The following TCF20 variants were observed in gnomAD, a reference collection of about 807,000 sequenced individuals.
The protein encoded by TCF20 is SPRE-binding protein.
Under a neutral mutation model 148.6 loss-of-function variants are expected in TCF20, and 3 were observed. That is an observed-to-expected ratio of 0.02 (90% CI 0.01 to 0.05). The LOEUF is 0.05. Among genes scored for constraint, TCF20 ranks in the 10% least tolerant of loss-of-function variants. The probability of loss-of-function intolerance (pLI) is 1.00; values close to 1 mark genes in which losing one functional copy is unlikely to be tolerated. For synonymous variants in TCF20, 1,049 were observed against 909.5 expected, an observed-to-expected ratio of 1.15 and a Z score of -2.76; for missense variants, 2,350 against 2,429.3, an observed-to-expected ratio of 0.97 and a Z score of 0.69.
chr22:42,312,953 C>T (rs1927562706), intron 1 of TCF20, among the ~76,000 whole-genome samples: 1 of 152,180 alleles, frequency 6.6e-6, no homozygotes, highest in African/African-American at 2.4e-5. Flanking sequence ...GAGCCAGCTC[C>T]AGTACTGGGG....
In TCF20 at chr22:42,213,760, C is replaced by T. The variant is rs770125297; in HGVS notation, c.1546G>A (p.Ala516Thr). The T allele has an allele frequency of 6.2e-7, 1 of 1,614,010 alleles. No individual in the cohort carries two copies. The change falls in exon 2 of 6, where the codon GCA (alanine) becomes ACA (threonine). Residue 516 changes from alanine to threonine, a missense_variant. Physicochemically the swap from Ala to Thr is moderately conservative, Grantham distance 58. This residue lies in a region of TCF20 where 1,641 missense variants were observed against 1,662.6 expected (regional missense o/e 0.99). Transcript: ENST00000677622. ...GAGCAGCCTCCATCTAATGACTCTG[C>T]CATAGGGGACTTCAGCTGTTCTTCA... is the stretch of plus-strand genomic sequence containing the variant. ...QPEEQLKSPM[A>T]ESLDGGCSSS...
At chr22:42,321,553 A>T (rs1036821512) in intron 1 of TCF20, among the ~76,000 whole-genome samples, 1 of 151,864 alleles carries the variant, frequency 6.6e-6, no homozygotes, top group African/African-American at 2.4e-5. Context: ...TACCATTATA[A>T]TTCCCTGCTG....
In TCF20 at chr22:42,210,495, A is replaced by T. The variant is rs1457495332; in HGVS notation, c.4811T>A (p.Ile1604Asn). The change falls in exon 2 of 6, where the codon ATT (isoleucine) becomes AAT (asparagine). Residue 1604 changes from isoleucine to asparagine, a missense_variant. Ile to Asn is a moderately radical substitution (Grantham distance 149, BLOSUM62 -3). Transcript: ENST00000677622. This position sits in a 1 kb window ranked among gnomAD's most constrained non-coding sequence, Gnocchi z 4.7. ...RKRKTKQAVPIVEPQEPEIKL... is the reference protein window; with the variant it reads ...RKRKTKQAVPNVEPQEPEIKL... ...GATCTCAGGTTCTTGGGGTTCCACA[A>T]TGGGAACTGCTTGTTTGGTTTTTCG... is the stretch of plus-strand genomic sequence containing the variant. 6.2e-7 allele frequency: 1 copy of T among 1,614,042 alleles called. No individual in the cohort carries two copies. The highest frequency in any genetic ancestry group is 8.5e-7 in the Non-Finnish European group (1 of 1,180,038).
Position 42,323,903 on chromosome 22 carries a change from AGGTGGT to A in TCF20, c.-37+19570_-37+19575del, listed in dbSNP as rs1213080967. On this transcript the variant is annotated intron_variant, in intron 1 of 1. Coordinates refer to the TCF20 transcript ENST00000515426. ...GTGGTGATGGAGGTTATGGTGGTGG[AGGTGGT>A]GGTGGTGATGGAGGTTATGGTGGTG... Among the ~76,000 whole-genome samples the A allele has an allele frequency of 3.0e-4, 5 of 16,880 alleles. 1 individual carries two copies. Among genetic ancestry groups the A allele is most frequent in the East Asian group, 2.0e-3 (1 of 492 alleles). 11.1% of individuals were successfully genotyped at this position (16,880 alleles called of 152,430 possible).
intron 1 of TCF20, among the ~76,000 whole-genome samples, chr22:42,331,895 T>A (rs1013000484): frequency 2.0e-5 from 3 of 152,184 alleles, no homozygotes; most frequent in Admixed American, 2.0e-4. Flanking sequence ...GATCACGGAA[T>A]GTAGTGGAAA....
chr22:42,213,087 C>T lies in TCF20; in HGVS notation c.2219G>A (p.Gly740Glu). ...TTTTTCATTTCTACCCTTTCGTTCCCCATGGCCAGTGAAATCTCCCTTTTC... is the reference window on the plus strand; with the variant it reads ...TTTTTCATTTCTACCCTTTCGTTCCTCATGGCCAGTGAAATCTCCCTTTTC... ...GQEKGDFTGH[G>E]ERKGRNEKFP... Residue 740 changes from glycine (G) to glutamate (E), a missense_variant, in exon 2 of 6, where the codon GGG becomes GAG. This residue lies in a region of TCF20 where 1,641 missense variants were observed against 1,662.6 expected (regional missense o/e 0.99). Transcript: ENST00000677622. The T allele has an allele frequency of 6.2e-7, 1 of 1,614,146 alleles. No homozygotes were observed. The highest frequency in any genetic ancestry group is 8.5e-7 in the Non-Finnish European group (1 of 1,180,024).
chr22:42,301,120 G>A (rs1030541170), intron 1 of TCF20, among the ~76,000 whole-genome samples: 5 of 152,292 alleles, frequency 3.3e-5, no homozygotes, highest in South Asian at 4.1e-4. Context: ...GCTGCTGGAA[G>A]CCAGAGGCAA....
chr22:42,230,743 T>C (rs1463149373), intron 1 of TCF20, among the ~76,000 whole-genome samples: 1 of 152,156 alleles, frequency 6.6e-6, no homozygotes, highest in African/African-American at 2.4e-5. Flanking sequence ...TGGGCCAAGA[T>C]GTGAAGCTGG....
chr22:42,210,554 C>T lies in TCF20; in HGVS notation c.4752G>A (p.Arg1584=). Residue 1584 remains arginine, a synonymous_variant, in exon 2 of 6, where the codon AGG becomes AGA. Transcript: ENST00000677622. This position sits in a 1 kb window ranked among gnomAD's most constrained non-coding sequence, Gnocchi z 4.7. The part of the protein sequence containing the change: ...EPKPKKQRQR[R]ERRKPGAQPR... ...GCTGGGCCCCAGGCTTCCTTCTCTCCCTCCTTTGCCTCTGTTTTTTTGGCT... is the reference window on the plus strand; with the variant it reads ...GCTGGGCCCCAGGCTTCCTTCTCTCTCTCCTTTGCCTCTGTTTTTTTGGCT... 1 of 1,614,142 alleles carries T rather than the reference C, an allele frequency of 6.2e-7. No homozygotes were observed. The highest frequency in any genetic ancestry group is 1.7e-5 in the Admixed American group (1 of 60,012).
chr22:42,303,372 G>C (rs567085458), intron 1 of TCF20, among the ~76,000 whole-genome samples: 3 of 152,380 alleles, frequency 2.0e-5, no homozygotes, highest in Middle Eastern at 3.4e-3. Flanking sequence ...TCCGGCTCAG[G>C]CCCTTGCCCC....
intron 1 of TCF20, among the ~76,000 whole-genome samples, chr22:42,327,667 C>T (rs909287729): frequency 6.6e-6 from 1 of 151,778 alleles, no homozygotes; most frequent in African/African-American, 2.4e-5. Context: ...CCTCCTTACC[C>T]GAGACTGAAT....
upstream of TCF20, chr22:42,274,773 A>C (rs1259723499): frequency 2.0e-5 from 3 of 152,226 alleles, no homozygotes; most frequent in African/African-American, 7.2e-5. Context: ...GAGCATATGC[A>C]GGGCAGAGAC....
At chr22:42,296,234 C>G (rs529462822) in intron 1 of TCF20, among the ~76,000 whole-genome samples, 2 of 152,198 alleles carry the variant, frequency 1.3e-5, no homozygotes, top group African/African-American at 4.8e-5. Context: ...CAGGCCTCAG[C>G]GAACGGGATG....
chr22:42,178,322 T>C (rs564025441), intron 3 of TCF20, among the ~76,000 whole-genome samples: 37 of 152,296 alleles, frequency 2.4e-4, no homozygotes, highest in East Asian at 5.8e-4. Flanking sequence ...CAGTTTATAG[T>C]TGATCACTCA....
chr22:42,305,780 A>G (rs1927420329), intron 1 of TCF20, among the ~76,000 whole-genome samples: 2 of 151,534 alleles, frequency 1.3e-5, no homozygotes, highest in South Asian at 4.2e-4. Context: ...TGGCTGGGAG[A>G]TCCCTGGACC....
upstream of TCF20, among the ~76,000 whole-genome samples, chr22:42,287,202 GT>G: frequency 6.6e-6 from 1 of 152,276 alleles, no homozygotes; most frequent in East Asian, 1.9e-4. Flanking sequence ...GGGAGCACAG[GT>G]TTTTGGGAGC....
At chr22:42,247,439 C>CA (rs58249230) in intron 1 of TCF20, among the ~76,000 whole-genome samples, 39,195 of 86,982 alleles carry the variant, frequency 0.45, 7,775 homozygotes, top group African/African-American at 0.54. Context: ...GACTCCATCT[C>CA]AAAAAAAAAA....
intron 1 of TCF20, among the ~76,000 whole-genome samples, chr22:42,224,328 C>T (rs959237039): frequency 8.6e-5 from 13 of 151,596 alleles, no homozygotes; most frequent in Non-Finnish European, 1.3e-4. Flanking sequence ...AAAAATTAGT[C>T]GGGCGTGGTG....
chr22:42,323,458 A>T (rs540851196), intron 1 of TCF20, among the ~76,000 whole-genome samples: 1 of 151,670 alleles, frequency 6.6e-6, no homozygotes, highest in Non-Finnish European at 1.5e-5. Context: ...CTGTCAGCTG[A>T]GGGAACAGGA....
Sources: allele counts gnomAD v4.1 joint callset (sites outside exome capture counted in the v4.1 genomes callset), GRCh38; gene constraint gnomAD v4.1.1; regional missense constraint gnomAD v4.1.1; non-coding constraint Gnocchi (gnomAD v3.1); transcripts MANE v1.5; gene names NCBI Gene and HGNC (gene_info 2026-07-23, HGNC 2026-07-21).